Variants in SLC35F4 observed in about 807,000 individuals in gnomAD.
SLC35F4 encodes solute carrier family 35 member F4.
Under a neutral mutation model 44.2 loss-of-function variants are expected in SLC35F4, and 24 were observed. That is an observed-to-expected ratio of 0.54 (90% CI 0.39 to 0.76). The LOEUF (loss-of-function observed/expected upper bound fraction) is 0.76, where lower values mean the gene tolerates loss of function less well. Among genes scored for constraint, SLC35F4 ranks in the 30% least tolerant of loss-of-function variants. The pLI is 0.00. For missense variants in SLC35F4, 562 were observed against 586.1 expected (o/e 0.96, Z 0.42); for synonymous variants, 238 against 223.6 (o/e 1.06, Z -0.57).
intron 1 of SLC35F4, chr14:57,630,793 C>G (rs1281674224): frequency 5.5e-6 from 3 of 542,226 alleles, no homozygotes; most frequent in Non-Finnish European, 8.4e-6. Flanking sequence ...ATTAAAAAGA[C>G]ACTTGTTAGT....
chr14:57,769,709 A>C (rs1426413164), intron 1 of SLC35F4, among the ~76,000 whole-genome samples: 5 of 152,174 alleles, frequency 3.3e-5, no homozygotes, highest in Non-Finnish European at 7.4e-5. Flanking sequence ...CAGGGCCCCT[A>C]TGGAAAGTAT....
At chr14:57,704,993 T>A (rs2075633958) in intron 1 of SLC35F4, among the ~76,000 whole-genome samples, 2 of 152,178 alleles carry the variant, frequency 1.3e-5, no homozygotes, top group Admixed American at 1.3e-4. Flanking sequence ...CAATAGAATG[T>A]CACCAGGAGT....
intron 1 of SLC35F4, among the ~76,000 whole-genome samples, chr14:57,753,876 G>A (rs1291301358): frequency 2.0e-5 from 3 of 151,992 alleles, no homozygotes; most frequent in African/African-American, 7.2e-5. Flanking sequence ...AGGGTGGGAG[G>A]TATCTGTACC....
At chr14:57,974,024 C>T (rs11628245), downstream of SLC35F4, among the ~76,000 whole-genome samples, 620 of 152,200 alleles carry the variant, frequency 4.1e-3, 2 homozygotes, top group South Asian at 0.013. Flanking sequence ...AAACATCAAC[C>T]ATTTTATTAA....
At chr14:57,703,079 C>G (rs556721001) in intron 1 of SLC35F4, among the ~76,000 whole-genome samples, 2 of 152,180 alleles carry the variant, frequency 1.3e-5, no homozygotes, top group South Asian at 4.2e-4. Context: ...GATGGCACGG[C>G]AGAATAATAG....
rs566006066 is a variant in SLC35F4, at chr14:57,580,438, C to T, written c.807+776G>A. ...TCTGAGAAAAGGCAATTCATTTATACCTCCTTCTAAAGAAGTGTTGTCTCA... is the reference window on the plus strand; with the variant it reads ...TCTGAGAAAAGGCAATTCATTTATATCTCCTTCTAAAGAAGTGTTGTCTCA... On this transcript the variant is annotated intron_variant, in intron 4 of 7. Coordinates refer to ENST00000556826, the MANE Select transcript of SLC35F4 (RefSeq NM_001306087.2). The T allele has an allele frequency of 2.4e-4, 59 of 241,940 alleles. No individual in the cohort carries two copies. The East Asian group carries it at 6.9e-3, about 28-fold the overall frequency. The allele number at this position is 241,940 out of a possible 1,614,324, so 15.0% of individuals were successfully genotyped here. A position where few individuals can be genotyped will look rare whatever the true frequency, so the allele number is the denominator to read the frequency against.
At chr14:57,674,538 G>T (rs778751320) in intron 1 of SLC35F4, among the ~76,000 whole-genome samples, 2 of 152,084 alleles carry the variant, frequency 1.3e-5, no homozygotes, top group African/African-American at 2.4e-5. Context: ...AAAAAGAAAA[G>T]AATTACTAGT....
rs547742209 is a variant in SLC35F4, at chr14:57,644,771, T to A, written c.104-50647A>T. ...ACCTAAATTTCTAACATGTAACTCTTTAATCCATCTTGAATTAATTTTTGT... is the reference window on the plus strand; with the variant it reads ...ACCTAAATTTCTAACATGTAACTCTATAATCCATCTTGAATTAATTTTTGT... On this transcript the variant is annotated intron_variant, in intron 1 of 7. Coordinates refer to ENST00000556826, the MANE Select transcript of SLC35F4 (RefSeq NM_001306087.2). Among the ~76,000 whole-genome samples, 21 of 152,364 alleles carry A rather than the reference T, an allele frequency of 1.4e-4. No homozygotes were observed. The South Asian group carries it at 1.7e-3, about 12-fold the overall frequency.
At chr14:57,970,386 G>A (rs945143557) in intron 1 of SLC35F4, among the ~76,000 whole-genome samples, 90 of 152,270 alleles carry the variant, frequency 5.9e-4, no homozygotes, top group African/African-American at 2.0e-3. Context: ...TGGAGTTGCC[G>A]TCAGAGACAG....
intron 4 of SLC35F4, among the ~76,000 whole-genome samples, chr14:57,572,823 G>A (rs779455461): frequency 2.6e-5 from 4 of 152,180 alleles, no homozygotes; most frequent in Non-Finnish European, 4.4e-5. Flanking sequence ...TTGCTGCTTT[G>A]TGTCATCTCT....
At chr14:57,805,035 G>A (rs1305184240) in intron 1 of SLC35F4, among the ~76,000 whole-genome samples, 1 of 152,070 alleles carries the variant, frequency 6.6e-6, no homozygotes, top group Admixed American at 6.5e-5. Context: ...CAACATCACT[G>A]ATCATTAGAG....
chr14:57,911,159 G>C (rs548960702), intron 1 of SLC35F4, among the ~76,000 whole-genome samples: 72 of 151,830 alleles, frequency 4.7e-4, no homozygotes, highest in African/African-American at 1.7e-3. Flanking sequence ...TAAGTTCCAG[G>C]GGTTTGGGGT....
In SLC35F4 at chr14:57,754,540, A is replaced by G. The variant is rs144491909; in HGVS notation, c.103+111183T>C. Among the ~76,000 whole-genome samples, 9 of 152,354 alleles carry G rather than the reference A, an allele frequency of 5.9e-5. No homozygotes were observed. The East Asian group carries it at 1.7e-3, about 29-fold the overall frequency. On this transcript the variant is annotated intron_variant, in intron 1 of 7. Transcript: ENST00000556826. Reference sequence around the variant, plus strand: ...ACAAGACCACAGGTTTCACTCAGGAACCAGATTTATTAAATTATTCTAGCT... The same window carrying G: ...ACAAGACCACAGGTTTCACTCAGGAGCCAGATTTATTAAATTATTCTAGCT...
intron 1 of SLC35F4, among the ~76,000 whole-genome samples, chr14:57,628,533 T>C (rs958692651): frequency 4.9e-5 from 7 of 144,304 alleles, no homozygotes; most frequent in Admixed American, 2.9e-4. Context: ...CACTTATGAG[T>C]GAAAACATGA....
intron 1 of SLC35F4, among the ~76,000 whole-genome samples, chr14:57,968,380 A>G (rs1025391684): frequency 6.6e-6 from 1 of 152,196 alleles, no homozygotes; most frequent in African/African-American, 2.4e-5. Context: ...GCACAACTAC[A>G]TCTACCTCAC....
At chr14:57,637,573 T>G (rs549593487) in intron 1 of SLC35F4, among the ~76,000 whole-genome samples, 3 of 152,120 alleles carry the variant, frequency 2.0e-5, no homozygotes, top group African/African-American at 7.2e-5. Context: ...ATGGTTTAGC[T>G]AGGACTGCTG....
chr14:57,566,120 T>A (rs268820), intron 7 of SLC35F4, among the ~76,000 whole-genome samples: 1 of 152,114 alleles, frequency 6.6e-6, no homozygotes, highest in East Asian at 1.9e-4. Flanking sequence ...TCCTCTGCAC[T>A]TTCATTAGTG....
intron 1 of SLC35F4, among the ~76,000 whole-genome samples, chr14:57,926,295 C>T (rs1223425263): frequency 6.6e-6 from 1 of 152,190 alleles, no homozygotes; most frequent in Non-Finnish European, 1.5e-5. Flanking sequence ...TGTGGCAGGG[C>T]TCTGGCTGCC....
chr14:57,801,077 C>T (rs2078181533), intron 1 of SLC35F4, among the ~76,000 whole-genome samples: 1 of 152,058 alleles, frequency 6.6e-6, no homozygotes, highest in Admixed American at 6.6e-5. Flanking sequence ...TCAGATTCTC[C>T]AAGGTCAAAA....
Sources: allele counts gnomAD v4.1 joint callset (sites outside exome capture counted in the v4.1 genomes callset), GRCh38; gene constraint gnomAD v4.1.1; transcripts MANE v1.5; gene names NCBI Gene and HGNC (gene_info 2026-07-23, HGNC 2026-07-21).